The following SLC13A1 variants were observed in gnomAD, a reference collection of about 807,000 sequenced individuals.
SLC13A1 encodes solute carrier family 13 member 1.
In SLC13A1, 65 loss-of-function variants were observed where a neutral mutation model predicts 70.0. The ratio of observed to expected loss-of-function variants is 0.93; its 90% CI spans 0.76 to 1.14. SLC13A1 has a LOEUF of 1.14. Ranked by LOEUF, SLC13A1 falls within the 50% of genes most tolerant of loss-of-function variation. The probability of loss-of-function intolerance (pLI) is 0.00; values close to 1 mark genes in which losing one functional copy is unlikely to be tolerated. For missense variants in SLC13A1, 726 were observed against 717.8 expected, an observed-to-expected ratio of 1.01 and a Z score of -0.13; for synonymous variants, 275 against 250.5, an observed-to-expected ratio of 1.10 and a Z score of -0.92.
chr7:123,139,928 G>A (rs1794074044), intron 7 of SLC13A1, among the ~76,000 whole-genome samples: 1 of 151,940 alleles, frequency 6.6e-6, no homozygotes. Context: ...GATTGCTCTA[G>A]CTAGAACTTC....
intron 2 of SLC13A1, among the ~76,000 whole-genome samples, chr7:123,178,354 G>A (rs1654631688): frequency 6.6e-6 from 1 of 152,076 alleles, no homozygotes; most frequent in African/African-American, 2.4e-5. Flanking sequence ...TAATGACATG[G>A]TATCCTACTC....
intron 8 of SLC13A1, 22 bp downstream of exon 8, chr7:123,134,388 T>C (rs1287822766): frequency 6.2e-7 from 1 of 1,609,554 alleles, no homozygotes; most frequent in Non-Finnish European, 8.5e-7. Flanking sequence ...ATTTAGCCTA[T>C]TAACATGAAA....
At chr7:123,160,382 A>G (rs1585352085) in intron 6 of SLC13A1, among the ~76,000 whole-genome samples, 1 of 152,244 alleles carries the variant, frequency 6.6e-6, no homozygotes, top group South Asian at 2.1e-4. Context: ...TAAAAGGTTA[A>G]TCAATCACAC....
chr7:123,133,561 A>G (rs886921445), intron 8 of SLC13A1, among the ~76,000 whole-genome samples: 7 of 152,084 alleles, frequency 4.6e-5, no homozygotes, highest in African/African-American at 1.7e-4. Context: ...ATTTGAGACA[A>G]GAGTCTCGCT....
chr7:123,181,329 A>T (rs1487671442), intron 1 of SLC13A1, among the ~76,000 whole-genome samples: 1 of 152,092 alleles, frequency 6.6e-6, no homozygotes, highest in Non-Finnish European at 1.5e-5. Flanking sequence ...CATTCATTAC[A>T]TTTATTTCAC....
chr7:123,169,237 A>C lies in SLC13A1; in HGVS notation c.464T>G (p.Val155Gly). Reference protein sequence around the residue: ...AMVMPIAEAVVQQIINAEAEV... With the variant: ...AMVMPIAEAVGQQIINAEAEV... The stretch of plus-strand genomic sequence containing the variant: ...TGCTTCTGCATTGATGATCTGCTGC[A>C]CTACAGCCTCCGCAATGGGCATCAC... The change falls in exon 4 of 15, where the codon GTG becomes GGG. Residue 155 changes from valine (V) to glycine (G), a missense_variant. Physicochemically the swap from Val to Gly is moderately radical, Grantham distance 109. Coordinates refer to ENST00000194130, the MANE Select transcript of SLC13A1 (RefSeq NM_022444.4). 6.2e-7 allele frequency: 1 copy of C among 1,614,088 alleles called. No homozygotes were observed.
Position 123,125,654 on chromosome 7 carries a change from A to T in SLC13A1, c.1155T>A (p.Asp385Glu). The change falls in exon 11 of 15, where the codon GAT becomes GAA. Residue 385 changes from aspartate to glutamate, a missense_variant. Transcript: ENST00000194130. Reference sequence around the variant, plus strand: ...GCCCTATAAGTAAAGCAACAGTTGAATCTGTAGCAAAACCAGGGTACCTGT... The same window carrying T: ...GCCCTATAAGTAAAGCAACAGTTGATTCTGTAGCAAAACCAGGGTACCTGT... ...LFSEYPGFAT[D>E]STVALLIGLL... 6.2e-7 allele frequency: 1 copy of T among 1,612,762 alleles called. No individual in the cohort carries two copies. Among genetic ancestry groups the T allele is most frequent in the Middle Eastern group, 1.7e-4 (1 of 6,052 alleles).
intron 6 of SLC13A1, among the ~76,000 whole-genome samples, chr7:123,162,847 C>A (rs1232049168): frequency 6.6e-6 from 1 of 152,020 alleles, no homozygotes; most frequent in Non-Finnish European, 1.5e-5. Context: ...CTAAACAATA[C>A]CTAATTAAAA....
At position 123,176,440 on chromosome 7, in the gene SLC13A1, T is replaced by C. The variant is rs186344965; in HGVS notation, c.228+4533A>G. On this transcript the variant is annotated intron_variant, in intron 2 of 14. Coordinates refer to ENST00000194130, the MANE Select transcript of SLC13A1 (RefSeq NM_022444.4). ...TTGATATCTATTTGCAAGATCAACA[T>C]AGTTATATTTCTGTCTCAAAATAGG... is the stretch of plus-strand genomic sequence containing the variant. Among the ~76,000 whole-genome samples the C allele has an allele frequency of 2.6e-3, 394 of 152,294 alleles. 6 individuals carry two copies. The highest frequency in any genetic ancestry group is 0.02 in the Admixed American group (308 of 15,278).
chr7:123,121,775 A>G (rs1448684577), intron 12 of SLC13A1, among the ~76,000 whole-genome samples: 1 of 152,154 alleles, frequency 6.6e-6, no homozygotes, highest in Non-Finnish European at 1.5e-5. Context: ...TCTGTTCCCA[A>G]CTAGAAAGAG....
At chr7:123,144,332 A>C (rs556432935) in intron 7 of SLC13A1, among the ~76,000 whole-genome samples, 2 of 152,340 alleles carry the variant, frequency 1.3e-5, no homozygotes, top group African/African-American at 4.8e-5. Flanking sequence ...GAGATTTAGA[A>C]GAGAAACTGA....
intron 6 of SLC13A1, among the ~76,000 whole-genome samples, chr7:123,164,194 T>G (rs1369571985): frequency 6.6e-6 from 1 of 151,942 alleles, no homozygotes; most frequent in Non-Finnish European, 1.5e-5. Context: ...AAGGTGACAT[T>G]GAGCAAATGT....
intron 7 of SLC13A1, among the ~76,000 whole-genome samples, chr7:123,139,334 G>A (rs1209136170): frequency 6.6e-6 from 1 of 152,092 alleles, no homozygotes; most frequent in African/African-American, 2.4e-5. Flanking sequence ...AGTGTAATTA[G>A]AAGTCATGTA....
chr7:123,189,974 CTTCTT>C (rs1305524643), intron 1 of SLC13A1, among the ~76,000 whole-genome samples: 3 of 151,998 alleles, frequency 2.0e-5, no homozygotes, highest in East Asian at 3.9e-4. Flanking sequence ...TTGAATATGA[CTTCTT>C]TTCTAGTCTT....
chr7:123,163,150 C>T (rs1001618307), intron 6 of SLC13A1, among the ~76,000 whole-genome samples: 3 of 152,048 alleles, frequency 2.0e-5, no homozygotes, highest in African/African-American at 7.2e-5. Flanking sequence ...ACTCATTTCC[C>T]ATGGAAATTG....
chr7:123,185,220 T>C (rs1228163608), intron 1 of SLC13A1, among the ~76,000 whole-genome samples: 1 of 152,182 alleles, frequency 6.6e-6, no homozygotes, highest in Non-Finnish European at 1.5e-5. Context: ...AAATATTTTA[T>C]CCTATTCTAT....
intron 14 of SLC13A1, among the ~76,000 whole-genome samples, chr7:123,115,986 A>C (rs1793168242): frequency 6.6e-6 from 1 of 152,186 alleles, no homozygotes; most frequent in Non-Finnish European, 1.5e-5. Context: ...CCTCTTAGGA[A>C]TATACCTAAG....
chr7:123,188,357 A>C (rs190580408), intron 1 of SLC13A1, among the ~76,000 whole-genome samples: 11 of 152,252 alleles, frequency 7.2e-5, no homozygotes, highest in African/African-American at 2.7e-4. Context: ...TTATAGCACT[A>C]TGAAAATCGA....
chr7:123,147,389 G>A (rs922736066), intron 6 of SLC13A1, 79 bp from the exon 7 acceptor site: 21 of 1,484,792 alleles, frequency 1.4e-5, no homozygotes, highest in Non-Finnish European at 1.6e-5. Context: ...CCCACCACCC[G>A]CACCAATTCA....
Sources: allele counts gnomAD v4.1 joint callset (sites outside exome capture counted in the v4.1 genomes callset), GRCh38; gene constraint gnomAD v4.1.1; transcripts MANE v1.5; gene names NCBI Gene and HGNC (gene_info 2026-07-23, HGNC 2026-07-21).